The following PSIP1 variants were observed in gnomAD, a reference collection of about 807,000 sequenced individuals.
The protein encoded by PSIP1 is PC4 and SFRS1-interacting protein.
A neutral mutation model predicts 74.7 loss-of-function variants in PSIP1; 19 were observed. That is an observed-to-expected ratio of 0.25 (90% confidence interval 0.18 to 0.37). The LOEUF is 0.37. PSIP1 is among the 10% of genes least tolerant of loss of function. PSIP1 has a pLI of 1.00. For synonymous variants in PSIP1, 222 were observed against 195.3 expected, an observed-to-expected ratio of 1.14 and a Z score of -1.14; for missense variants, 601 against 614.3, an observed-to-expected ratio of 0.98 and a Z score of 0.23.
chr9:15,496,184 T>C (rs1213455481), intron 3 of PSIP1, among the ~76,000 whole-genome samples: 2 of 152,244 alleles, frequency 1.3e-5, no homozygotes, highest in East Asian at 1.9e-4. Flanking sequence ...TTGTAGTTTA[T>C]ACAATTAGTT....
intron 8 of PSIP1, among the ~76,000 whole-genome samples, chr9:15,476,754 T>C (rs1354661060): frequency 6.6e-6 from 1 of 152,168 alleles, no homozygotes; most frequent in Admixed American, 6.5e-5. Context: ...TGACCAGAAT[T>C]AAACACACAT....
chr9:15,506,051 T>G (rs2037572085), intron 3 of PSIP1: 1 of 151,886 alleles, frequency 6.6e-6, no homozygotes, highest in Non-Finnish European at 1.5e-5. Context: ...AACATTCAGC[T>G]GCAATTTTTG....
In PSIP1 at chr9:15,472,628, T is replaced by A. The variant is rs773975792; in HGVS notation, c.977+4A>T. On this transcript the variant is annotated splice_donor_region_variant and intron_variant, in intron 10 of 15. Transcript: ENST00000380733. ...CCAAAATTTAGAAAAAAAAAAATAC[T>A]TACTGCTCAGTTTCCATTTGTTCCT... is the stretch of plus-strand genomic sequence containing the variant. 1 of 1,577,158 alleles carries A rather than the reference T, an allele frequency of 6.3e-7. No homozygotes were observed. Among genetic ancestry groups the A allele is most frequent in the Non-Finnish European group, 8.5e-7 (1 of 1,170,498 alleles).
At chr9:15,469,631 C>T (rs985858772) in intron 11 of PSIP1, among the ~76,000 whole-genome samples, 1 of 152,128 alleles carries the variant, frequency 6.6e-6, no homozygotes, top group Admixed American at 6.5e-5. Context: ...TCCCCAAACA[C>T]CTGCTTTTCC....
chr9:15,466,987 T>G, intron 14 of PSIP1, 128 bp from the exon 15 acceptor site: 1 of 689,066 alleles, frequency 1.5e-6, no homozygotes, highest in Non-Finnish European at 2.5e-6. Flanking sequence ...GTCTTTTATT[T>G]GAAATTACAT....
intron 3 of PSIP1, among the ~76,000 whole-genome samples, chr9:15,502,111 G>A (rs1187125933): frequency 6.6e-6 from 1 of 152,040 alleles, no homozygotes; most frequent in Non-Finnish European, 1.5e-5. Flanking sequence ...AGTAATGGCT[G>A]CTGATCTGAG....
In PSIP1 at chr9:15,468,547, CTA is replaced by C. The variant is rs1383986600; in HGVS notation, c.1420+81_1420+82del. 1.2e-5 allele frequency: 17 copies of C among 1,423,526 alleles called. No homozygotes were observed. The African/African-American group carries it at 1.4e-4, about 12-fold the overall frequency. The allele number at this position is 1,423,526 out of a possible 1,614,324, so 88.2% of individuals were successfully genotyped here. A position where few individuals can be genotyped will look rare whatever the true frequency, so the allele number is the denominator to read the frequency against. The stretch of plus-strand genomic sequence containing the variant: ...TTTCTGTGGCGTATACACAGTGAAA[CTA>C]TGTATGAAAGCCATTTTTAAAAGCA... On this transcript the variant is annotated intron_variant, in intron 14 of 15. Coordinates refer to ENST00000380733, the MANE Select transcript of PSIP1 (RefSeq NM_033222.5).
chr9:15,473,863 T>C, intron 9 of PSIP1, 146 bp downstream of exon 9: 1 of 557,622 alleles, frequency 1.8e-6, no homozygotes, highest in Non-Finnish European at 2.8e-6. Flanking sequence ...ATTGTGCCAC[T>C]GCACTCCAGC....
chr9:15,468,805 C>T lies in PSIP1; in HGVS notation c.1245G>A (p.Lys415=), dbSNP rs1402199491. Reference sequence around the variant, plus strand: ...TAAACTTGTTATACAACATTGTAGACTTTTCCATGATTACCTGACTAACTT... The same window carrying T: ...TAAACTTGTTATACAACATTGTAGATTTTTCCATGATTACCTGACTAACTT... ...RFKVSQVIME[K]STMLYNKFKN... The change falls in exon 14 of 16, where the codon AAG becomes AAA. Residue 415 remains lysine (K), a synonymous_variant. Transcript: ENST00000380733. 1.2e-6 allele frequency: 2 copies of T among 1,613,824 alleles called. No individual in the cohort carries two copies. The highest frequency in any genetic ancestry group is 1.7e-5 in the Admixed American group (1 of 60,004).
At chr9:15,510,653 G>C (rs1010691017) in intron 1 of PSIP1, among the ~76,000 whole-genome samples, 164 bp downstream of exon 1, 1 of 152,068 alleles carries the variant, frequency 6.6e-6, no homozygotes, top group South Asian at 2.1e-4. Context: ...TCCGAGAAGC[G>C]AGCGGCCCCC....
chr9:15,501,697 T>C (rs2037350984), intron 3 of PSIP1, among the ~76,000 whole-genome samples: 1 of 151,926 alleles, frequency 6.6e-6, no homozygotes, highest in Admixed American at 6.6e-5. Flanking sequence ...AGGTTTTCAG[T>C]GAAATGACAT....
chr9:15,472,084 CTATAAG>C (rs1041850514), intron 10 of PSIP1: 3 of 981,500 alleles, frequency 3.1e-6, no homozygotes, highest in South Asian at 4.7e-5. Context: ...AGTCCTGTCT[CTATAAG>C]TATCAAAATT....
intron 14 of PSIP1, among the ~76,000 whole-genome samples, chr9:15,467,965 A>G (rs2665510): frequency 0.11 from 16,758 of 151,948 alleles, 1,676 homozygotes; most frequent in African/African-American, 0.27. Flanking sequence ...TACTAAAAAT[A>G]CAAAATTAGC....
chr9:15,477,694 C>A (rs931401837), intron 8 of PSIP1, among the ~76,000 whole-genome samples: 15 of 151,854 alleles, frequency 9.9e-5, no homozygotes, highest in African/African-American at 3.6e-4. Flanking sequence ...GTAGAAAAGG[C>A]AGCAAGGGAA....
intron 6 of PSIP1, among the ~76,000 whole-genome samples, chr9:15,480,259 G>C (rs1156291672): frequency 6.6e-6 from 1 of 152,102 alleles, no homozygotes; most frequent in East Asian, 1.9e-4. Flanking sequence ...ACACAAATTA[G>C]AAACAAAATG....
intron 10 of PSIP1, among the ~76,000 whole-genome samples, chr9:15,470,423 A>G (rs2035774478): frequency 6.6e-6 from 1 of 151,918 alleles, no homozygotes; most frequent in East Asian, 1.9e-4. Flanking sequence ...TAGACTTAAG[A>G]TAACACTGTT....
chr9:15,476,322 G>A (rs1014481373), intron 8 of PSIP1, among the ~76,000 whole-genome samples: 4 of 152,166 alleles, frequency 2.6e-5, no homozygotes, highest in Non-Finnish European at 5.9e-5. Context: ...TGGGAGACTG[G>A]AAACCCTAAT....
intron 3 of PSIP1, among the ~76,000 whole-genome samples, chr9:15,504,133 T>A (rs1031578843): frequency 6.6e-6 from 1 of 152,292 alleles, no homozygotes; most frequent in Middle Eastern, 3.4e-3. Context: ...AATGGTATAA[T>A]CATAAGAACA....
chr9:15,495,560 G>C (rs938791265), intron 3 of PSIP1, among the ~76,000 whole-genome samples: 3 of 151,862 alleles, frequency 2.0e-5, no homozygotes, highest in Admixed American at 2.0e-4. Context: ...TCATTTCTTT[G>C]TATTAAAAAA....
Sources: allele counts gnomAD v4.1 joint callset (sites outside exome capture counted in the v4.1 genomes callset), GRCh38; gene constraint gnomAD v4.1.1; transcripts MANE v1.5; gene names NCBI Gene and HGNC (gene_info 2026-07-23, HGNC 2026-07-21).